The following EXO1 variants were observed in gnomAD, a reference collection of about 807,000 sequenced individuals.
EXO1 encodes the protein exonuclease 1.
Under a neutral mutation model 84.5 loss-of-function variants are expected in EXO1, and 69 were observed. That is an observed-to-expected ratio of 0.82 (90% CI 0.67 to 1.00). EXO1 has a LOEUF of 1.00. Among genes scored for constraint, EXO1 ranks in the 50% least tolerant of loss-of-function variants. EXO1 has a pLI of 0.00. For missense variants in EXO1, 1,045 were observed against 1,000.7 expected (o/e 1.04, Z -0.60); for synonymous variants, 373 against 366.1 (o/e 1.02, Z -0.21).
At chr1:241,877,322 G>A in intron 12 of EXO1, among the ~76,000 whole-genome samples, 1 of 152,088 alleles carries the variant, frequency 6.6e-6, no homozygotes, top group Non-Finnish European at 1.5e-5. Flanking sequence ...CCTGGGCATT[G>A]TCACTATCTC....
chr1:241,856,605 T>C (rs1269357946), intron 6 of EXO1, among the ~76,000 whole-genome samples: 5 of 152,188 alleles, frequency 3.3e-5, no homozygotes, highest in Non-Finnish European at 5.9e-5. Flanking sequence ...TTATCAATAC[T>C]GTGTCAGTAC....
At chr1:241,851,375 A>G (rs1660661450) in intron 4 of EXO1, among the ~76,000 whole-genome samples, 2 of 152,234 alleles carry the variant, frequency 1.3e-5, no homozygotes. Context: ...CACATAGAAA[A>G]AATAAGGATA....
At chr1:241,867,595 G>A (rs962169606) in intron 11 of EXO1, among the ~76,000 whole-genome samples, 1 of 152,028 alleles carries the variant, frequency 6.6e-6, no homozygotes, top group African/African-American at 2.4e-5. Context: ...TTTTTAATAC[G>A]ATGTGATGTA....
intron 10 of EXO1, among the ~76,000 whole-genome samples, chr1:241,865,884 G>A (rs1574154176): frequency 6.6e-6 from 1 of 152,092 alleles, no homozygotes; most frequent in Non-Finnish European, 1.5e-5. Context: ...TTCTCAAAGG[G>A]TATTCTGAAT....
chr1:241,875,800 C>T (rs1217352741), intron 12 of EXO1, among the ~76,000 whole-genome samples: 1 of 152,210 alleles, frequency 6.6e-6, no homozygotes, highest in Non-Finnish European at 1.5e-5. Context: ...ATCGCTTGAA[C>T]CCGGGAGGCG....
chr1:241,875,476 T>G (rs748358190), intron 12 of EXO1, among the ~76,000 whole-genome samples: 9 of 152,196 alleles, frequency 5.9e-5, no homozygotes, highest in Non-Finnish European at 1.2e-4. Flanking sequence ...ACAATATGAT[T>G]AAATGATAGT....
intron 15 of EXO1, chr1:241,885,741 C>G: frequency 2.1e-6 from 1 of 477,756 alleles, no homozygotes; most frequent in South Asian, 2.1e-5. Flanking sequence ...GTTTTGGAGT[C>G]TCTCTGATGT....
At chr1:241,860,361 A>C (rs909167056) in intron 8 of EXO1, among the ~76,000 whole-genome samples, 156 bp from the exon 9 acceptor site, 6 of 152,222 alleles carry the variant, frequency 3.9e-5, no homozygotes, top group Non-Finnish European at 8.8e-5. Flanking sequence ...ATTTTAAGTG[A>C]TGTAACATGG....
chr1:241,878,707 A>G (rs1662550278), intron 12 of EXO1, 42 bp from the exon 13 acceptor site: 1 of 1,271,690 alleles, frequency 7.9e-7, no homozygotes, highest in East Asian at 2.5e-5. Flanking sequence ...AAACTCTAAA[A>G]TACTCATACT....
At chr1:241,869,430 T>C (rs569555805) in intron 11 of EXO1, among the ~76,000 whole-genome samples, 33 of 152,206 alleles carry the variant, frequency 2.2e-4, no homozygotes, top group Non-Finnish European at 4.0e-4. Flanking sequence ...AGAATGATTA[T>C]AATTGCTTCC....
chr1:241,885,248 G>T, intron 14 of EXO1, 66 bp from the exon 15 acceptor site: 4 of 914,794 alleles, frequency 4.4e-6, no homozygotes, highest in Non-Finnish European at 6.9e-6. Context: ...AAAGAATAAA[G>T]AATAGCTTGA....
At chr1:241,850,015 C>A (rs1660565574) in intron 3 of EXO1, among the ~76,000 whole-genome samples, 1 of 152,258 alleles carries the variant, frequency 6.6e-6, no homozygotes, top group Admixed American at 6.5e-5. Context: ...GGCGCGGTGG[C>A]TCACGCCTGT....
chr1:241,885,726 G>T (rs1663027432), intron 15 of EXO1: 1 of 496,184 alleles, frequency 2.0e-6, no homozygotes, highest in African/African-American at 1.9e-5. Context: ...CCAGTTTTCA[G>T]TCTGGTTTTG....
At chr1:241,871,958 A>G in intron 11 of EXO1, 74 bp from the exon 12 acceptor site, 1 of 1,121,936 alleles carries the variant, frequency 8.9e-7, no homozygotes, top group Non-Finnish European at 1.3e-6. Flanking sequence ...ACAATGGGAT[A>G]TAAACTGAAG....
intron 11 of EXO1, among the ~76,000 whole-genome samples, chr1:241,867,462 C>T (rs1357781889): frequency 6.6e-6 from 1 of 152,178 alleles, no homozygotes; most frequent in Non-Finnish European, 1.5e-5. Flanking sequence ...CCTCCCACAA[C>T]ACATAGGAAT....
chr1:241,866,983 G>T lies in EXO1; in HGVS notation c.1195G>T (p.Val399Leu). 3 of 1,614,090 alleles carry T rather than the reference G, an allele frequency of 1.9e-6. No homozygotes were observed. The highest frequency in any genetic ancestry group is 2.5e-6 in the Non-Finnish European group (3 of 1,179,960). ...GAAGGAAAATCCAAGTACTGTGGGA[G>T]TGGAACGAGTGATTAGTACTAAAGG... is the stretch of plus-strand genomic sequence containing the variant. Reference protein sequence around the residue: ...QLKENPSTVGVERVISTKGLN... With the variant: ...QLKENPSTVGLERVISTKGLN... The change falls in exon 11 of 16, where the codon GTG becomes TTG. Residue 399 changes from valine (V) to leucine (L), a missense_variant. Coordinates refer to ENST00000366548, the MANE Select transcript of EXO1 (RefSeq NM_130398.4).
chr1:241,858,559 G>C lies in EXO1; in HGVS notation c.597G>C (p.Arg199=), dbSNP rs1558126390. The change falls in exon 8 of 16, where the codon CGG becomes CGC. Residue 199 remains arginine (R), a synonymous_variant. Transcript: ENST00000366548. ...FGNGLEIDQA[R]LGMCRQLGDV... The stretch of plus-strand genomic sequence containing the variant: ...ATGGACTTGAAATTGATCAAGCTCG[G>C]CTAGGAATGTGCAGACAGCTTGGGG... 2 of 1,614,162 alleles carry C rather than the reference G, an allele frequency of 1.2e-6. No homozygotes were observed. Among genetic ancestry groups the C allele is most frequent in the Non-Finnish European group, 1.7e-6 (2 of 1,179,990 alleles).
At chr1:241,882,240 TTAATG>T (rs1397209482) in intron 14 of EXO1, among the ~76,000 whole-genome samples, 1 of 152,196 alleles carries the variant, frequency 6.6e-6, no homozygotes, top group Non-Finnish European at 1.5e-5. Flanking sequence ...CTTTTAGTCA[TTAATG>T]TAATGACTTT....
chr1:241,864,673 C>T lies in EXO1; in HGVS notation c.1042-2157C>T, dbSNP rs141428840. On this transcript the variant is annotated intron_variant, in intron 10 of 15. Transcript: ENST00000366548. Reference sequence around the variant, plus strand: ...GTGGAATTGGCTTCTCTTTGATATTCTCTTCTGCAGACAAAGTCTTTTAAT... The same window carrying T: ...GTGGAATTGGCTTCTCTTTGATATTTTCTTCTGCAGACAAAGTCTTTTAAT... Among the ~76,000 whole-genome samples the T allele has an allele frequency of 3.3e-5, 5 of 152,292 alleles. No homozygotes were observed. In the East Asian group the frequency reaches 5.8e-4, roughly 18 times the overall value.
Sources: allele counts gnomAD v4.1 joint callset (sites outside exome capture counted in the v4.1 genomes callset), GRCh38; gene constraint gnomAD v4.1.1; transcripts MANE v1.5; gene names NCBI Gene and HGNC (gene_info 2026-07-23, HGNC 2026-07-21).